The following SLC35G2 variants were observed in gnomAD, a reference collection of about 807,000 sequenced individuals.
SLC35G2 encodes transmembrane protein 22.
In SLC35G2, 20 loss-of-function variants were observed where a neutral mutation model predicts 27.2. The ratio of observed to expected loss-of-function variants is 0.74; its 90% confidence interval spans 0.52 to 1.07. The LOEUF is 1.07. Ranked by LOEUF, SLC35G2 falls within the 50% of genes least tolerant of loss-of-function variation. SLC35G2 has a pLI of 0.00. For synonymous variants in SLC35G2, 148 were observed against 165.3 expected (o/e 0.90, Z 0.80); for missense variants, 416 against 493.3 (o/e 0.84, Z 1.48).
intron 1 of SLC35G2, among the ~76,000 whole-genome samples, chr3:136,851,395 G>A (rs1470770454): frequency 1.3e-5 from 2 of 149,484 alleles, no homozygotes; most frequent in African/African-American, 4.9e-5. Flanking sequence ...CTACTCGGGA[G>A]GCTGAGGCAG....
At chr3:136,847,062 G>A (rs1937414320) in intron 1 of SLC35G2, among the ~76,000 whole-genome samples, 1 of 152,142 alleles carries the variant, frequency 6.6e-6, no homozygotes, top group Admixed American at 6.5e-5. Flanking sequence ...AGCTACTCTG[G>A]AGGCTGAGGG....
intron 1 of SLC35G2, among the ~76,000 whole-genome samples, chr3:136,829,325 G>A (rs1200277606): frequency 3.3e-5 from 5 of 151,840 alleles, no homozygotes; most frequent in Admixed American, 2.0e-4. Flanking sequence ...GGGTTCAAGC[G>A]ATTCTCCTGC....
chr3:136,846,810 T>C (rs1458017975), intron 1 of SLC35G2, among the ~76,000 whole-genome samples: 1 of 152,178 alleles, frequency 6.6e-6, no homozygotes, highest in Non-Finnish European at 1.5e-5. Flanking sequence ...CAGACAATAA[T>C]TATTACTCTA....
chr3:136,853,335 C>G (rs1180396013), intron 1 of SLC35G2, among the ~76,000 whole-genome samples: 1 of 151,894 alleles, frequency 6.6e-6, no homozygotes, highest in African/African-American at 2.4e-5. Context: ...AACTTCTGGC[C>G]TCAAGTGATC....
intron 1 of SLC35G2, among the ~76,000 whole-genome samples, chr3:136,821,539 C>T (rs776296158): frequency 2.6e-5 from 4 of 152,120 alleles, no homozygotes; most frequent in Non-Finnish European, 5.9e-5. Flanking sequence ...CTCTGCCTCC[C>T]GGGTTCAAGG....
At chr3:136,854,271 T>G (rs758414149) in intron 1 of SLC35G2, among the ~76,000 whole-genome samples, 172 bp from the exon 2 acceptor site, 2 of 152,142 alleles carry the variant, frequency 1.3e-5, no homozygotes, top group African/African-American at 4.8e-5. Context: ...ACAATTCCAG[T>G]AGGTACCATA....
rs1341881318 is a variant in SLC35G2 at position 136,822,240 on chromosome 3, C to G, written c.-19+2612C>G. 2.0e-5 allele frequency among the ~76,000 whole-genome samples: 3 copies of G among 152,028 alleles called. No individual in the cohort carries two copies. The South Asian group carries it at 6.2e-4, about 32-fold the overall frequency. The stretch of plus-strand genomic sequence containing the variant: ...CTACTTTTTGTATCCATTAACCATC[C>G]CCAGTTTTCCCCACACCCCCAACTC... On this transcript the variant is annotated intron_variant, in intron 1 of 1. Transcript: ENST00000446465.
intron 1 of SLC35G2, among the ~76,000 whole-genome samples, chr3:136,821,726 C>T (rs1213251933): frequency 2.0e-5 from 3 of 152,206 alleles, no homozygotes; most frequent in African/African-American, 7.2e-5. Flanking sequence ...GCCACTGCAC[C>T]CGGGCCTGCC....
chr3:136,833,385 GAGA>G (rs934722650), intron 1 of SLC35G2, among the ~76,000 whole-genome samples: 8 of 152,274 alleles, frequency 5.3e-5, no homozygotes, highest in Admixed American at 4.6e-4. Flanking sequence ...TGGCTGTTTT[GAGA>G]AGGAGTGTTT....
chr3:136,848,936 T>A (rs925625737), intron 1 of SLC35G2, among the ~76,000 whole-genome samples: 3 of 152,090 alleles, frequency 2.0e-5, no homozygotes, highest in Admixed American at 1.3e-4. Flanking sequence ...TCTCAGCACT[T>A]TGGGAGGCTG....
chr3:136,834,260 ATTTC>A (rs1936807336), intron 1 of SLC35G2, among the ~76,000 whole-genome samples: 2 of 152,210 alleles, frequency 1.3e-5, no homozygotes, highest in Non-Finnish European at 2.9e-5. Context: ...TACTATTTTA[ATTTC>A]TTTGTTAAAT....
chr3:136,853,347 G>A (rs61093989), intron 1 of SLC35G2, among the ~76,000 whole-genome samples: 8 of 151,704 alleles, frequency 5.3e-5, no homozygotes, highest in African/African-American at 1.9e-4. Context: ...CAAGTGATCC[G>A]CCCGCCTCAG....
rs751019074 is a variant in SLC35G2 at position 136,854,517 on chromosome 3, C to A, written c.57C>A (p.Pro19=). ...YPVKKRVKIH[P]NTVMVKYTSH... is the part of the protein sequence containing the mutation. The stretch of plus-strand genomic sequence containing the variant: ...TTAAAAAACGGGTGAAAATACATCC[C>A]AACACAGTGATGGTGAAATATACTT... The change falls in exon 2 of 2, where the codon CCC becomes CCA. Residue 19 remains proline (P), a synonymous_variant. Transcript: ENST00000446465. The A allele has an allele frequency of 2.2e-5, 35 of 1,604,760 alleles. No individual in the cohort carries two copies. Among genetic ancestry groups the A allele is most frequent in the Non-Finnish European group, 2.9e-5 (34 of 1,176,312 alleles).
Position 136,855,720 on chromosome 3 carries a change from C to G in SLC35G2, c.*21C>G. On this transcript the variant is annotated 3_prime_UTR_variant, in exon 2 of 2. Coordinates refer to ENST00000446465, the MANE Select transcript of SLC35G2 (RefSeq NM_025246.3). The stretch of plus-strand genomic sequence containing the variant: ...AATGAATACCTGATTATTATTGTCT[C>G]ATTAATGTTCAGTTATTATGTATAC... 1.3e-6 allele frequency: 2 copies of G among 1,504,818 alleles called. No individual in the cohort carries two copies. Among genetic ancestry groups the G allele is most frequent in the Non-Finnish European group, 1.8e-6 (2 of 1,109,956 alleles). The allele number at this position is 1,504,818 out of a possible 1,614,324, so 93.2% of individuals were successfully genotyped here. A position where few individuals can be genotyped will look rare whatever the true frequency, so the allele number is the denominator to read the frequency against.
intron 1 of SLC35G2, among the ~76,000 whole-genome samples, chr3:136,821,305 A>G (rs945117976): frequency 6.6e-6 from 1 of 152,166 alleles, no homozygotes; most frequent in African/African-American, 2.4e-5. Context: ...GGTCATCATT[A>G]TTAAGGGTTG....
intron 1 of SLC35G2, among the ~76,000 whole-genome samples, chr3:136,826,186 G>A (rs544613652): frequency 5.7e-4 from 86 of 151,858 alleles, no homozygotes; most frequent in African/African-American, 2.0e-3. Flanking sequence ...ACAGGTGCCC[G>A]CCACAATGCC....
intron 1 of SLC35G2, among the ~76,000 whole-genome samples, chr3:136,847,853 T>G (rs1435289773): frequency 6.6e-6 from 1 of 152,064 alleles, no homozygotes; most frequent in African/African-American, 2.4e-5. Flanking sequence ...GGTGGGTGCC[T>G]GTAATCCCAA....
intron 1 of SLC35G2, among the ~76,000 whole-genome samples, chr3:136,848,212 TTATCAACAC>T (rs1442679000): frequency 2.6e-5 from 4 of 152,346 alleles, no homozygotes; most frequent in African/African-American, 9.6e-5. Context: ...GGCTATTTAT[TTATCAACAC>T]ATTTACAGCA....
intron 1 of SLC35G2, among the ~76,000 whole-genome samples, chr3:136,844,849 G>A (rs1052141484): frequency 2.1e-5 from 3 of 143,476 alleles, no homozygotes; most frequent in Admixed American, 7.0e-5. Flanking sequence ...ATTCTTTCAT[G>A]TACATTCAAT....
Sources: gnomAD v4.1 joint callset for allele counts (sites outside exome capture counted in the v4.1 genomes callset) on GRCh38, gnomAD v4.1.1 for gene constraint, MANE v1.5 for transcripts, NCBI Gene and HGNC (gene_info 2026-07-23, HGNC 2026-07-21) for gene names.